The following SH3BGRL variants were observed in gnomAD, a reference collection of about 807,000 sequenced individuals.
SH3BGRL encodes the protein adapter SH3BGRL.
In SH3BGRL, 7 loss-of-function variants were observed where a neutral mutation model predicts 9.8. That is an observed-to-expected ratio of 0.72 (90% CI 0.41 to 1.35). SH3BGRL has a LOEUF of 1.35. SH3BGRL is among the 40% of genes most tolerant of loss of function. The pLI, the probability that SH3BGRL is intolerant of heterozygous loss-of-function variation, is 0.01. For missense variants in SH3BGRL, 73 were observed against 84.4 expected, an observed-to-expected ratio of 0.86 and a Z score of 0.53; for synonymous variants, 36 against 29.1, an observed-to-expected ratio of 1.24 and a Z score of -0.76.
chrX:81,204,096 T>C lies in SH3BGRL; in HGVS notation c.45+1851T>C, dbSNP rs1294106785. On this transcript the variant is annotated intron_variant, in intron 1 of 3. Coordinates refer to ENST00000373212, the MANE Select transcript of SH3BGRL (RefSeq NM_003022.3). ...TTCTTCCCATCTTTGTTGGACTTTATTGTTGAAGACCATGCAAATGGCAGA... is the reference window on the plus strand; with the variant it reads ...TTCTTCCCATCTTTGTTGGACTTTACTGTTGAAGACCATGCAAATGGCAGA... 8.1e-5 allele frequency among the ~76,000 whole-genome samples: 9 copies of C among 111,700 alleles called. No homozygotes were observed. The Admixed American group carries it at 8.6e-4, about 11-fold the overall frequency.
At chrX:81,215,639 G>A (rs1569357296) in intron 1 of SH3BGRL, among the ~76,000 whole-genome samples, 1 of 111,105 alleles carries the variant, frequency 9.0e-6, no homozygotes, top group Non-Finnish European at 1.9e-5. Context: ...TTGATAAGCT[G>A]CCTCATAGAA....
chrX:81,221,196 A>G (rs1196412070), intron 1 of SH3BGRL, among the ~76,000 whole-genome samples: 1 of 111,678 alleles, frequency 9.0e-6, no homozygotes, highest in African/African-American at 3.3e-5. Flanking sequence ...TAATCTGTCC[A>G]ATGCTGAATG....
At chrX:81,226,817 A>G (rs751562473) in intron 1 of SH3BGRL, among the ~76,000 whole-genome samples, 4 of 109,721 alleles carry the variant, frequency 3.6e-5, no homozygotes, top group Admixed American at 2.0e-4. Context: ...AAGACAAGGA[A>G]AATAGAATCT....
At position 81,203,472 on chromosome X, in the gene SH3BGRL, A is replaced by G. The variant is rs1287610933; in HGVS notation, c.45+1227A>G. Among the ~76,000 whole-genome samples the G allele has an allele frequency of 2.7e-5, 3 of 112,019 alleles. No individual in the cohort carries two copies. The Admixed American group carries it at 2.8e-4, about 11-fold the overall frequency. ...ACATTTTTTGAATAAGTTTAGGTTA[A>G]AAAAAAGAACACCTTTTATATTTCC... On this transcript the variant is annotated intron_variant, in intron 1 of 3. Coordinates refer to ENST00000373212, the MANE Select transcript of SH3BGRL (RefSeq NM_003022.3).
At chrX:81,251,795 G>T (rs1219651082) in intron 1 of SH3BGRL, among the ~76,000 whole-genome samples, 3 of 111,949 alleles carry the variant, frequency 2.7e-5, no homozygotes, top group Non-Finnish European at 5.6e-5. Flanking sequence ...TAACCTACAG[G>T]ATATTGGGGG....
At chrX:81,275,578 A>G (rs1472078273) in intron 1 of SH3BGRL, among the ~76,000 whole-genome samples, 1 of 111,938 alleles carries the variant, frequency 8.9e-6, no homozygotes, top group African/African-American at 3.2e-5. Context: ...AGGCACTCCT[A>G]TTTATTGAGT....
rs191477928 is a variant in SH3BGRL, at chrX:81,211,202, G to A, written c.45+8957G>A. ...TGAAAGAAAGCTTCTAGAAGTGTGT[G>A]ATGGTTAATACTGAGTGTCAACTTG... On this transcript the variant is annotated intron_variant, in intron 1 of 3. Coordinates refer to ENST00000373212, the MANE Select transcript of SH3BGRL (RefSeq NM_003022.3). Among the ~76,000 whole-genome samples, 181 of 111,817 alleles carry A rather than the reference G, an allele frequency of 1.6e-3. 1 individual carries two copies. Among genetic ancestry groups the A allele is most frequent in the African/African-American group, 5.8e-3 (178 of 30,752 alleles).
In SH3BGRL at chrX:81,297,995, T is replaced by C. The variant is rs1289808801; in HGVS notation, c.*768T>C. The stretch of plus-strand genomic sequence containing the variant: ...CATGAAAGTGGGATGCCAAGTAAGC[T>C]TAAAATGGCATTCTCTAGCAAAGAG... On this transcript the variant is annotated 3_prime_UTR_variant, in exon 4 of 4. Coordinates refer to ENST00000373212, the MANE Select transcript of SH3BGRL (RefSeq NM_003022.3). 4 of 112,031 alleles carry C rather than the reference T, an allele frequency of 3.6e-5. No homozygotes were observed. The highest frequency in any genetic ancestry group is 7.3e-4 in the South Asian group (2 of 2,737). The allele number at this position is 112,031 out of a possible 1,213,427, so 9.2% of individuals were successfully genotyped here. A position where few individuals can be genotyped will look rare whatever the true frequency, so the allele number is the denominator to read the frequency against.
intron 3 of SH3BGRL, among the ~76,000 whole-genome samples, chrX:81,288,002 A>T (rs188468224): frequency 1.8e-5 from 2 of 110,978 alleles, no homozygotes; most frequent in East Asian, 5.7e-4. Context: ...AAACTACAGG[A>T]CAATATCTCT....
chrX:81,279,925 T>C (rs1194876574), intron 3 of SH3BGRL, among the ~76,000 whole-genome samples: 1 of 111,273 alleles, frequency 9.0e-6, no homozygotes, highest in Non-Finnish European at 1.9e-5. Context: ...GGGAGGTGGA[T>C]AGCCTTGGGT....
chrX:81,202,394 T>A, intron 1 of SH3BGRL, 149 bp downstream of exon 1: 1 of 1,010,207 alleles, frequency 9.9e-7, no homozygotes, highest in Non-Finnish European at 1.2e-6. Flanking sequence ...TTCCCTTTTT[T>A]CCCTTTGTTG....
chrX:81,228,316 G>A lies in SH3BGRL; in HGVS notation c.45+26071G>A, dbSNP rs189341669. Among the ~76,000 whole-genome samples the A allele has an allele frequency of 1.4e-4, 16 of 111,859 alleles. No homozygotes were observed. The East Asian group carries it at 4.2e-3, about 30-fold the overall frequency. On this transcript the variant is annotated intron_variant, in intron 1 of 3. Transcript: ENST00000373212. ...TCGGTCCAGAAAGGCAGAACAACTG[G>A]AAGCAGGTGCTGGGAGCGGGGACAG...
intron 1 of SH3BGRL, among the ~76,000 whole-genome samples, chrX:81,226,504 A>C (rs747793757): frequency 1.9e-5 from 2 of 103,983 alleles, no homozygotes; most frequent in South Asian, 8.1e-4. Context: ...ATATATATAT[A>C]TATCTATATA....
intron 3 of SH3BGRL, among the ~76,000 whole-genome samples, chrX:81,294,869 A>G (rs1272175270): frequency 8.9e-6 from 1 of 112,343 alleles, no homozygotes; most frequent in Non-Finnish European, 1.9e-5. Context: ...TGTGACCTGG[A>G]TGTGAGACAT....
At chrX:81,210,127 T>G (rs1288900178) in intron 1 of SH3BGRL, among the ~76,000 whole-genome samples, 1 of 110,713 alleles carries the variant, frequency 9.0e-6, no homozygotes, top group African/African-American at 3.3e-5. Flanking sequence ...TAGCCAAGCC[T>G]TTCTGCTTGG....
intron 1 of SH3BGRL, among the ~76,000 whole-genome samples, chrX:81,231,307 C>T (rs1181284286): frequency 5.3e-5 from 6 of 112,201 alleles, no homozygotes; most frequent in Non-Finnish European, 7.5e-5. Context: ...GAATACTTAT[C>T]ACTCCTAACT....
chrX:81,211,788 G>T (rs1180672334), intron 1 of SH3BGRL, among the ~76,000 whole-genome samples: 1 of 111,088 alleles, frequency 9.0e-6, no homozygotes, highest in African/African-American at 3.3e-5. Flanking sequence ...TCAGTTTTGG[G>T]ACTTGGACTG....
chrX:81,245,031 T>C (rs992948454), intron 1 of SH3BGRL, among the ~76,000 whole-genome samples: 2 of 112,153 alleles, frequency 1.8e-5, no homozygotes, highest in South Asian at 7.5e-4. Context: ...ACTCTGCTTT[T>C]CTTCAGTGAA....
intron 1 of SH3BGRL, among the ~76,000 whole-genome samples, chrX:81,246,849 T>C: frequency 1.8e-5 from 2 of 112,286 alleles, no homozygotes; most frequent in South Asian, 7.4e-4. Flanking sequence ...CTGCGAAGAA[T>C]GTTATTTGTA....
Sources: allele counts gnomAD v4.1 joint callset (sites outside exome capture counted in the v4.1 genomes callset), GRCh38; gene constraint gnomAD v4.1.1; transcripts MANE v1.5; gene names NCBI Gene and HGNC (gene_info 2026-07-23, HGNC 2026-07-21).